MACF1: variants seen among roughly 807,000 people sequenced by gnomAD.
MACF1 encodes the protein microtubule actin crosslinking factor 1, also known as microtubule-actin cross-linking factor 1.
MACF1 carries 193 observed loss-of-function variants against 854.8 expected under a neutral mutation model. That is an observed-to-expected ratio of 0.23 (90% confidence interval 0.20 to 0.25). The LOEUF is 0.25. Among genes scored for constraint, MACF1 ranks in the 10% least tolerant of loss-of-function variants. The pLI is 1.00. For synonymous variants in MACF1, 3,185 were observed against 3,226.7 expected (o/e 0.99, Z 0.44); for missense variants, 7,722 against 8,929.1 (o/e 0.86, Z 5.45).
At chr1:39,356,161 G>A (rs974339625) in intron 44 of MACF1, among the ~76,000 whole-genome samples, 1 of 152,102 alleles carries the variant, frequency 6.6e-6, no homozygotes, top group Non-Finnish European at 1.5e-5. Flanking sequence ...AAAACTCACA[G>A]CTCTCCTCAA....
At chr1:39,238,899 T>C (rs1644889624) in intron 2 of MACF1, among the ~76,000 whole-genome samples, 1 of 152,230 alleles carries the variant, frequency 6.6e-6, no homozygotes, top group South Asian at 2.1e-4. Context: ...ATTGAGATTT[T>C]TTTTTGCGAC....
Position 39,251,853 on chromosome 1 carries a change from C to A in MACF1, c.269C>A (p.Ala90Glu). 1 of 1,446,530 alleles carries A rather than the reference C, an allele frequency of 6.9e-7. No homozygotes were observed. The highest frequency in any genetic ancestry group is 9.1e-7 in the Non-Finnish European group (1 of 1,099,600). The allele number at this position is 1,446,530 out of a possible 1,614,324, so 89.6% of individuals were successfully genotyped here. A position where few individuals can be genotyped will look rare whatever the true frequency, so the allele number is the denominator to read the frequency against. The change falls in exon 4 of 101, where the codon GCA (alanine) becomes GAA (glutamate). Residue 90 changes from alanine to glutamate, a missense_variant. This residue lies in a region of MACF1 where 82 missense variants were observed against 84.0 expected (regional missense o/e 0.98). Coordinates refer to ENST00000564288, the MANE Select transcript of MACF1 (RefSeq NM_001394062.1). ...EVLSGIKLEP[A>E]GLKTLRLVSM... ...CTTGGTTGGTGGCCAAAGGAGCCAG[C>A]AGGGCTGAAGACCCTCCGTCTGGTG...
chr1:39,287,548 G>A lies in MACF1; in HGVS notation c.1771G>A (p.Val591Ile), dbSNP rs1278230526. 1.2e-6 allele frequency: 2 copies of A among 1,614,248 alleles called. No individual in the cohort carries two copies. The highest frequency in any genetic ancestry group is 2.7e-5 in the African/African-American group (2 of 75,064). Reference protein sequence around the residue: ...LRFVYELLSWVEEMQMKLERA... With the variant: ...LRFVYELLSWIEEMQMKLERA... ...ATTTGTGTATGAACTACTGTCTTGG[G>A]TAGAAGAGATGCAGGTGGGTGCATA... The change falls in exon 15 of 101, where the codon GTA becomes ATA. Residue 591 changes from valine (V) to isoleucine (I), a missense_variant. Physicochemically the swap from Val to Ile is conservative, Grantham distance 29. Coordinates refer to ENST00000564288, the MANE Select transcript of MACF1 (RefSeq NM_001394062.1).
At chr1:39,118,894 T>C (rs897072848) in intron 2 of MACF1, among the ~76,000 whole-genome samples, 1 of 152,216 alleles carries the variant, frequency 6.6e-6, no homozygotes, top group African/African-American at 2.4e-5. Flanking sequence ...CTCCTCCTCC[T>C]CTTTTTCTTA....
In MACF1 at chr1:39,479,195, C is replaced by T. The variant is rs1043654890; in HGVS notation, c.21959-603C>T. Among the ~76,000 whole-genome samples, 4 of 152,152 alleles carry T rather than the reference C, an allele frequency of 2.6e-5. No homozygotes were observed. In the East Asian group the frequency reaches 7.7e-4, roughly 29 times the overall value. ...TTCAGTTTTTCACTTAACAGTTTCT[C>T]ACTAGCAAGTTTTGTGCATGGTCTT... On this transcript the variant is annotated intron_variant, in intron 97 of 100. Coordinates refer to ENST00000564288, the MANE Select transcript of MACF1 (RefSeq NM_001394062.1).
intron 90 of MACF1, 98 bp downstream of exon 90, chr1:39,458,588 A>G (rs1171587847): frequency 1.4e-6 from 2 of 1,446,620 alleles, no homozygotes; most frequent in East Asian, 4.7e-5. Flanking sequence ...TTCCATTTTC[A>G]AAAACCGTGT....
intron 58 of MACF1, among the ~76,000 whole-genome samples, chr1:39,393,759 C>T (rs891200781): frequency 1.3e-5 from 2 of 150,758 alleles, no homozygotes; most frequent in South Asian, 4.2e-4. Flanking sequence ...CAGTGAGCTG[C>T]GTCCATGCCA....
At chr1:39,318,069 A>G (rs569822812) in intron 29 of MACF1, among the ~76,000 whole-genome samples, 2 of 152,284 alleles carry the variant, frequency 1.3e-5, no homozygotes, top group Admixed American at 1.3e-4. Context: ...AATTATAGTG[A>G]TTCATAAATC....
At chr1:39,440,111 C>CTTTTCTTTTCTTTTTTT (rs1553414036) in intron 72 of MACF1, among the ~76,000 whole-genome samples, 9 of 64,514 alleles carry the variant, frequency 1.4e-4, no homozygotes, top group African/African-American at 5.4e-4. Context: ...CTTTTCTTTT[C>CTTTTCTTTTCTTTTTTT]TTTTTTTTTT....
chr1:39,115,081 T>A (rs760381783), intron 2 of MACF1, among the ~76,000 whole-genome samples: 12 of 152,172 alleles, frequency 7.9e-5, no homozygotes, highest in Non-Finnish European at 8.8e-5. Context: ...ACTGGCTTTG[T>A]ATGTCATATT....
At chr1:39,325,983 C>G (rs1373880462) in intron 35 of MACF1, among the ~76,000 whole-genome samples, 1 of 151,988 alleles carries the variant, frequency 6.6e-6, no homozygotes, top group South Asian at 2.1e-4. Context: ...TACCTAGCAG[C>G]CTTAGTGTAG....
At chr1:39,337,155 G>C (rs759055105) in intron 37 of MACF1, 27 bp from the exon 38 acceptor site, 18 of 1,601,912 alleles carry the variant, frequency 1.1e-5, no homozygotes, top group Non-Finnish European at 1.4e-5. Flanking sequence ...CGTCAGAACT[G>C]AGTCAGCTTT....
Position 39,380,642 on chromosome 1 carries a change from C to T in MACF1, c.13648+269C>T, listed in dbSNP as rs558070389. On this transcript the variant is annotated intron_variant, in intron 55 of 100. Transcript: ENST00000564288. ...CAAAGAGAGGCCAGGAACAGTGCCT[C>T]ACACCTGTAATCTCAGCACTTTGGG... 2.0e-5 allele frequency among the ~76,000 whole-genome samples: 3 copies of T among 152,276 alleles called. No individual in the cohort carries two copies. In the East Asian group the frequency reaches 5.8e-4, roughly 29 times the overall value.
intron 23 of MACF1, among the ~76,000 whole-genome samples, chr1:39,306,533 A>G (rs1384510944): frequency 6.6e-6 from 1 of 151,744 alleles, no homozygotes; most frequent in African/African-American, 2.4e-5. Context: ...ATTACTGTAA[A>G]AGGATTCCCA....
At chr1:39,426,144 T>G (rs1643719427) in intron 61 of MACF1, among the ~76,000 whole-genome samples, 1 of 152,194 alleles carries the variant, frequency 6.6e-6, no homozygotes, top group Admixed American at 6.5e-5. Flanking sequence ...ATAATAATTT[T>G]TAATATTGTA....
chr1:39,477,135 T>TATATATATATACACACACACACAC (rs71060314), intron 97 of MACF1, among the ~76,000 whole-genome samples: 5 of 103,370 alleles, frequency 4.8e-5, no homozygotes, highest in Non-Finnish European at 9.6e-5. Flanking sequence ...TATATATATA[T>TATATATATATACACACACACACAC]ACACACACAC....
At position 39,337,283 on chromosome 1, in the gene MACF1, T is replaced by G. The variant is rs975066902; in HGVS notation, c.10167T>G (p.Pro3389=). The G allele has an allele frequency of 6.2e-7, 1 of 1,614,062 alleles. No homozygotes were observed. The highest frequency in any genetic ancestry group is 8.5e-7 in the Non-Finnish European group (1 of 1,179,970). The change falls in exon 38 of 101, where the codon CCT becomes CCG. Residue 3389 remains proline (P), a synonymous_variant. Transcript: ENST00000564288. The part of the protein sequence containing the change: ...NIEMRTKQIQ[P]LELNLAELQD... ...AAATGAGGACCAAACAGATTCAACC[T>G]TTGGAGCTAAACCTGGCAGAACTAC... is the stretch of plus-strand genomic sequence containing the variant.
chr1:39,323,617 A>T (rs928318469), intron 33 of MACF1, among the ~76,000 whole-genome samples: 24 of 152,172 alleles, frequency 1.6e-4, no homozygotes, highest in African/African-American at 5.5e-4. Context: ...TAACTTACAT[A>T]ATTATGTATT....
chr1:39,388,254 C>G lies in MACF1; in HGVS notation c.15412C>G (p.Leu5138Val). The G allele has an allele frequency of 6.2e-7, 1 of 1,614,168 alleles. No individual in the cohort carries two copies. The highest frequency in any genetic ancestry group is 2.2e-5 in the East Asian group (1 of 44,882). Reference sequence around the variant, plus strand: ...AGAGATGTTCTCTCAATTGGCAGACCTGGATGATGAGCTAGATGGCATGGG... The same window carrying G: ...AGAGATGTTCTCTCAATTGGCAGACGTGGATGATGAGCTAGATGGCATGGG... The part of the protein sequence containing the change: ...VREMFSQLAD[L>V]DDELDGMGAI... The change falls in exon 58 of 101, where the codon CTG (leucine) becomes GTG (valine). Residue 5138 changes from leucine to valine, a missense_variant. Around this residue, in one of 15 missense-constraint regions of MACF1, gnomAD observed 2,807 missense variants for 3,235.8 expected, o/e 0.87. Coordinates refer to ENST00000564288, the MANE Select transcript of MACF1 (RefSeq NM_001394062.1).
Sources: allele counts gnomAD v4.1 joint callset (sites outside exome capture counted in the v4.1 genomes callset), GRCh38; gene constraint gnomAD v4.1.1; regional missense constraint gnomAD v4.1.1; transcripts MANE v1.5; gene names NCBI Gene and HGNC (gene_info 2026-07-23, HGNC 2026-07-21).